Variants in SGPP2 observed in about 807,000 individuals in gnomAD.
SGPP2 encodes the protein sphingosine 1-phosphate phosphohydrolase 2.
In SGPP2, 30 loss-of-function variants were observed where a neutral mutation model predicts 33.9. That is an observed-to-expected ratio of 0.89 (90% confidence interval 0.66 to 1.20). SGPP2 has a LOEUF of 1.20. Ranked by LOEUF, SGPP2 falls within the 50% of genes most tolerant of loss-of-function variation. The probability of loss-of-function intolerance (pLI) is 0.00; values close to 1 mark genes in which losing one functional copy is unlikely to be tolerated. For synonymous variants in SGPP2, 233 were observed against 225.0 expected (o/e 1.04, Z -0.32); for missense variants, 458 against 532.1 (o/e 0.86, Z 1.37).
chr2:222,471,730 C>CT (rs1044887913), intron 1 of SGPP2, among the ~76,000 whole-genome samples: 78 of 152,126 alleles, frequency 5.1e-4, no homozygotes, highest in African/African-American at 1.8e-3. Flanking sequence ...ATCCAGATCT[C>CT]TAAGAGTCTT....
chr2:222,443,598 T>C (rs951865601), intron 1 of SGPP2, among the ~76,000 whole-genome samples: 11 of 152,260 alleles, frequency 7.2e-5, no homozygotes, highest in African/African-American at 2.4e-4. Context: ...TTCTTCTCGC[T>C]GGTATTTTCT....
At chr2:222,543,764 AG>A (rs749461040) in intron 4 of SGPP2, among the ~76,000 whole-genome samples, 11 of 152,212 alleles carry the variant, frequency 7.2e-5, no homozygotes, top group African/African-American at 2.4e-4. Context: ...TTTTGTTATA[AG>A]TATTGGTATC....
intron 1 of SGPP2, among the ~76,000 whole-genome samples, chr2:222,428,318 G>C (rs1323270394): frequency 6.6e-6 from 1 of 152,186 alleles, no homozygotes; most frequent in Non-Finnish European, 1.5e-5. Context: ...GAAGGTAAAG[G>C]TGTGATGAGA....
At chr2:222,458,189 C>T (rs1038381751) in intron 1 of SGPP2, among the ~76,000 whole-genome samples, 15 of 151,942 alleles carry the variant, frequency 9.9e-5, no homozygotes, top group African/African-American at 3.6e-4. Context: ...GCTGGAACTA[C>T]AGGCAAGTGC....
chr2:222,532,025 C>T (rs1249750485), intron 4 of SGPP2, among the ~76,000 whole-genome samples: 2 of 152,138 alleles, frequency 1.3e-5, no homozygotes, highest in Non-Finnish European at 1.5e-5. Context: ...GTAATCTCAG[C>T]ACTTTGGGAG....
At chr2:222,452,964 A>T in intron 1 of SGPP2, 1 of 1,583,430 alleles carries the variant, frequency 6.3e-7, no homozygotes, top group Non-Finnish European at 8.7e-7. Context: ...CTGTCTCTGA[A>T]ATCTATCATT....
chr2:222,497,321 C>T (rs1698297411), intron 2 of SGPP2, among the ~76,000 whole-genome samples: 1 of 143,416 alleles, frequency 7.0e-6, no homozygotes, highest in African/African-American at 2.6e-5. Context: ...GGTGCAATCT[C>T]GGCTCACTGC....
At chr2:222,530,986 C>A (rs1027920049) in intron 4 of SGPP2, among the ~76,000 whole-genome samples, 2 of 152,098 alleles carry the variant, frequency 1.3e-5, no homozygotes, top group Non-Finnish European at 2.9e-5. Flanking sequence ...GTGAGGTATG[C>A]TTGTACAACT....
intron 4 of SGPP2, among the ~76,000 whole-genome samples, chr2:222,528,605 G>T (rs1335506836): frequency 6.6e-6 from 1 of 152,000 alleles, no homozygotes; most frequent in Non-Finnish European, 1.5e-5. Flanking sequence ...GGGTGGAGGG[G>T]CTGTGGCAAG....
chr2:222,507,700 A>G (rs986537341), intron 2 of SGPP2, among the ~76,000 whole-genome samples: 2 of 152,190 alleles, frequency 1.3e-5, no homozygotes, highest in Non-Finnish European at 2.9e-5. Flanking sequence ...TGCCCACTCC[A>G]GATCTCAGTT....
rs994640283 is a variant in SGPP2 at position 222,561,544 on chromosome 2, A to C, written c.*2646A>C. Among the ~76,000 whole-genome samples, 3 of 148,944 alleles carry C rather than the reference A, an allele frequency of 2.0e-5. No homozygotes were observed. Among genetic ancestry groups the C allele is most frequent in the South Asian group, 2.1e-4 (1 of 4,802 alleles). On this transcript the variant is annotated 3_prime_UTR_variant, in exon 5 of 5. Coordinates refer to ENST00000321276, the MANE Select transcript of SGPP2 (RefSeq NM_152386.4). ...TATATATATATCATTTTATATATAT[A>C]TATATATCATATACATAATTTTTAC...
intron 2 of SGPP2, among the ~76,000 whole-genome samples, chr2:222,492,503 G>T (rs1396843782): frequency 6.6e-6 from 1 of 152,218 alleles, no homozygotes; most frequent in East Asian, 1.9e-4. Flanking sequence ...GGGGACACAG[G>T]GCACCAAATC....
intron 2 of SGPP2, among the ~76,000 whole-genome samples, chr2:222,501,743 A>T (rs1698370615): frequency 6.6e-6 from 1 of 152,224 alleles, no homozygotes; most frequent in Non-Finnish European, 1.5e-5. Flanking sequence ...ACCCCAAGAT[A>T]TACTGAGACT....
chr2:222,449,934 G>C (rs1697458009), intron 1 of SGPP2, among the ~76,000 whole-genome samples: 1 of 152,150 alleles, frequency 6.6e-6, no homozygotes, highest in African/African-American at 2.4e-5. Context: ...TCCAAGTTCA[G>C]ACACGGGTTT....
intron 1 of SGPP2, 27 bp downstream of exon 1, chr2:222,424,848 T>C: frequency 7.6e-7 from 1 of 1,313,654 alleles, no homozygotes; most frequent in Non-Finnish European, 9.7e-7. Flanking sequence ...GTTCGCCGGG[T>C]ACGGGGAGGG....
At chr2:222,446,700 G>A (rs1183773295) in intron 1 of SGPP2, among the ~76,000 whole-genome samples, 1 of 152,174 alleles carries the variant, frequency 6.6e-6, no homozygotes, top group Non-Finnish European at 1.5e-5. Flanking sequence ...TGGCTAAACA[G>A]TGGAATAAAT....
chr2:222,497,672 G>C (rs1160757068), intron 2 of SGPP2, among the ~76,000 whole-genome samples: 1 of 152,174 alleles, frequency 6.6e-6, no homozygotes, highest in African/African-American at 2.4e-5. Context: ...TTATGCCATT[G>C]GTACATTATT....
At chr2:222,527,196 A>G (rs767502077) in intron 4 of SGPP2, among the ~76,000 whole-genome samples, 30 of 152,322 alleles carry the variant, frequency 2.0e-4, no homozygotes, top group East Asian at 3.9e-4. Flanking sequence ...GATGCAAGGA[A>G]TATTATATGC....
At chr2:222,515,577 C>T (rs1161287887) in intron 2 of SGPP2, among the ~76,000 whole-genome samples, 1 of 152,044 alleles carries the variant, frequency 6.6e-6, no homozygotes, top group Non-Finnish European at 1.5e-5. Flanking sequence ...GATCCACCTG[C>T]CTTGGCCTCC....
Sources: allele counts gnomAD v4.1 joint callset (sites outside exome capture counted in the v4.1 genomes callset), GRCh38; gene constraint gnomAD v4.1.1; transcripts MANE v1.5; gene names NCBI Gene and HGNC (gene_info 2026-07-23, HGNC 2026-07-21).